DLGAP2: variants seen among roughly 807,000 people sequenced by gnomAD.
DLGAP2 encodes the protein DLG associated protein 2.
DLGAP2 carries 26 observed loss-of-function variants against 100.3 expected under a neutral mutation model. The observed-to-expected ratio is 0.26, with a 90% CI of 0.19 to 0.36. The LOEUF is 0.36. DLGAP2 is among the 10% of genes least tolerant of loss of function. The pLI, the probability that DLGAP2 is intolerant of heterozygous loss-of-function variation, is 1.00. For missense variants in DLGAP2, 1,858 were observed against 1,453.2 expected (o/e 1.28, Z -4.53); for synonymous variants, 886 against 630.1 (o/e 1.41, Z -6.08).
chr8:1,595,049 T>C lies in DLGAP2; in HGVS notation c.1442+29155T>C, dbSNP rs143511696. ...TCCTGGGGTTTCTTTTTTTTTCTTT[T>C]TTTCTTTTTTGAGACAAGATCTTGC... On this transcript the variant is annotated intron_variant, in intron 6 of 14. Coordinates refer to ENST00000637795, the MANE Select transcript of DLGAP2 (RefSeq NM_001346810.2). Among the ~76,000 whole-genome samples, 438 of 152,136 alleles carry C rather than the reference T, an allele frequency of 2.9e-3. 4 individuals carry two copies. The highest frequency in any genetic ancestry group is 9.9e-3 in the African/African-American group (411 of 41,526).
At chr8:1,294,349 A>G (rs1800124226) in intron 3 of DLGAP2, among the ~76,000 whole-genome samples, 2 of 152,168 alleles carry the variant, frequency 1.3e-5, no homozygotes, top group South Asian at 4.1e-4. Context: ...CCAGATTGTG[A>G]TTGGCACTCT....
At chr8:1,313,062 G>T (rs569829647) in intron 3 of DLGAP2, among the ~76,000 whole-genome samples, 1 of 152,356 alleles carries the variant, frequency 6.6e-6, no homozygotes, top group South Asian at 2.1e-4. Flanking sequence ...GCCACTGTCT[G>T]TGCTGACTGG....
intron 3 of DLGAP2, among the ~76,000 whole-genome samples, chr8:1,472,809 A>G (rs1798837240): frequency 6.6e-6 from 1 of 152,240 alleles, no homozygotes; most frequent in African/African-American, 2.4e-5. Flanking sequence ...AAAACAGAGT[A>G]ACTGCTTTAG....
chr8:1,531,241 C>T (rs9644311), intron 4 of DLGAP2, among the ~76,000 whole-genome samples: 84,425 of 143,398 alleles, frequency 0.59, 23,969 homozygotes, highest in South Asian at 0.76. Flanking sequence ...AGAGCGTGTG[C>T]GTGTGTGTGT....
chr8:1,378,192 CTG>C (rs1563115505), intron 3 of DLGAP2: 8 of 175,426 alleles, frequency 4.6e-5, no homozygotes, highest in Admixed American at 2.6e-4. Flanking sequence ...CCTGTCCATC[CTG>C]TGCACACCTG....
At chr8:1,523,316 CAG>C (rs1263157683) in intron 4 of DLGAP2, among the ~76,000 whole-genome samples, 1 of 152,248 alleles carries the variant, frequency 6.6e-6, no homozygotes, top group Non-Finnish European at 1.5e-5. Context: ...AGACACACGA[CAG>C]AGAACAGCGT....
chr8:1,066,622 C>T (rs533404924), intron 2 of DLGAP2, among the ~76,000 whole-genome samples: 8 of 151,332 alleles, frequency 5.3e-5, no homozygotes, highest in Non-Finnish European at 8.8e-5. Flanking sequence ...CTCCCCACCA[C>T]GGTCAGGTCT....
intron 3 of DLGAP2, chr8:1,379,601 C>T (rs1796044174): frequency 6.6e-6 from 1 of 152,220 alleles, no homozygotes; most frequent in Non-Finnish European, 1.5e-5. Flanking sequence ...TTAACCAGGT[C>T]CCTGGAAGTC....
intron 3 of DLGAP2, among the ~76,000 whole-genome samples, chr8:1,441,569 T>A (rs1057404651): frequency 3.3e-5 from 5 of 151,092 alleles, no homozygotes; most frequent in Non-Finnish European, 5.9e-5. Context: ...GCACCTGTGG[T>A]CCCAGCTACT....
chr8:1,524,292 T>G (rs1254651952), intron 4 of DLGAP2, among the ~76,000 whole-genome samples: 1 of 152,008 alleles, frequency 6.6e-6, no homozygotes. Context: ...TAGAAGGTTG[T>G]CTCTTTAGGG....
chr8:1,538,517 T>C (rs1801231544), intron 4 of DLGAP2, among the ~76,000 whole-genome samples: 1 of 152,178 alleles, frequency 6.6e-6, no homozygotes, highest in Non-Finnish European at 1.5e-5. Flanking sequence ...CATGATAAGA[T>C]AACCATTTTG....
chr8:1,042,265 T>G (rs185668045), intron 2 of DLGAP2, among the ~76,000 whole-genome samples: 1 of 152,326 alleles, frequency 6.6e-6, no homozygotes, highest in Non-Finnish European at 1.5e-5. Context: ...GGGCACAGCC[T>G]TGTTTTGGAT....
At chr8:1,237,679 C>T in intron 2 of DLGAP2, among the ~76,000 whole-genome samples, 1 of 120,336 alleles carries the variant, frequency 8.3e-6, no homozygotes, top group South Asian at 3.1e-4. Flanking sequence ...AGTTCTCTCT[C>T]ACATGGCACC....
At chr8:1,651,840 G>T (rs918016279) in intron 8 of DLGAP2, among the ~76,000 whole-genome samples, 1 of 152,154 alleles carries the variant, frequency 6.6e-6, no homozygotes, top group Admixed American at 6.5e-5. Context: ...AGTGATGGAG[G>T]GACACAGTCT....
intron 1 of DLGAP2, among the ~76,000 whole-genome samples, chr8:766,395 C>T (rs1310407761): frequency 1.3e-5 from 2 of 152,228 alleles, no homozygotes; most frequent in Admixed American, 1.3e-4. Flanking sequence ...GGCCATCCTT[C>T]CTCTATGTGA....
intron 4 of DLGAP2, among the ~76,000 whole-genome samples, chr8:1,507,206 G>C (rs556734928): frequency 6.6e-6 from 1 of 152,232 alleles, no homozygotes; most frequent in Admixed American, 6.5e-5. Flanking sequence ...GCGGAGCAGG[G>C]GGCAGCGTCC....
At chr8:1,499,623 G>A (rs1799649332) in intron 3 of DLGAP2, among the ~76,000 whole-genome samples, 1 of 152,114 alleles carries the variant, frequency 6.6e-6, no homozygotes, top group Non-Finnish European at 1.5e-5. Flanking sequence ...AAAAAGTGCT[G>A]TTAGCCTTGA....
In DLGAP2 at chr8:1,549,796, G is replaced by A; in HGVS notation, c.1230+113G>A. The A allele has an allele frequency of 1.7e-6, 2 of 1,173,130 alleles. 1 individual carries two copies. Among genetic ancestry groups the A allele is most frequent in the Non-Finnish European group, 2.3e-6 (2 of 857,962 alleles). The allele number at this position is 1,173,130 out of a possible 1,614,324, so 72.7% of individuals were successfully genotyped here. A position where few individuals can be genotyped will look rare whatever the true frequency, so the allele number is the denominator to read the frequency against. ...GCATACACATTTAGGTTGTGCAACA[G>A]GATGTTCTGAGCTACGGATATGTTC... On this transcript the variant is annotated intron_variant, in intron 5 of 14. Transcript: ENST00000637795.
chr8:1,090,427 C>T (rs976058437), intron 2 of DLGAP2, among the ~76,000 whole-genome samples: 3 of 152,266 alleles, frequency 2.0e-5, no homozygotes, highest in African/African-American at 7.2e-5. Context: ...CCTGGCCAGG[C>T]AGGGCAGGCT....
Sources: allele counts gnomAD v4.1 joint callset (sites outside exome capture counted in the v4.1 genomes callset), GRCh38; gene constraint gnomAD v4.1.1; transcripts MANE v1.5; gene names NCBI Gene and HGNC (gene_info 2026-07-23, HGNC 2026-07-21).